Variants in ZMAT4 observed in about 807,000 individuals in gnomAD.
ZMAT4 encodes zinc finger matrin-type 4.
Under a neutral mutation model 28.7 loss-of-function variants are expected in ZMAT4, and 17 were observed. The observed-to-expected ratio is 0.59, with a 90% CI of 0.41 to 0.89. ZMAT4 has a LOEUF of 0.89. Ranked by LOEUF, ZMAT4 falls within the 40% of genes least tolerant of loss-of-function variation. The probability of loss-of-function intolerance (pLI) is 0.00; values close to 1 mark genes in which losing one functional copy is unlikely to be tolerated. For missense variants in ZMAT4, 240 were observed against 283.8 expected, an observed-to-expected ratio of 0.85 and a Z score of 1.11; for synonymous variants, 117 against 109.2, an observed-to-expected ratio of 1.07 and a Z score of -0.44.
intron 1 of ZMAT4, among the ~76,000 whole-genome samples, chr8:40,863,294 C>T (rs531167065): frequency 6.6e-6 from 1 of 151,820 alleles, no homozygotes; most frequent in African/African-American, 2.4e-5. Flanking sequence ...AAAAAAAAAA[C>T]TGGTAAAAGC....
chr8:40,797,998 C>T (rs1814668253), intron 2 of ZMAT4, among the ~76,000 whole-genome samples: 1 of 152,174 alleles, frequency 6.6e-6, no homozygotes, highest in Non-Finnish European at 1.5e-5. Context: ...GGTGTCCATG[C>T]CCTTCACTCT....
rs147073026 is a variant in ZMAT4 at position 40,891,322 on chromosome 8, G to T, written c.-5+6361C>A. On this transcript the variant is annotated intron_variant, in intron 1 of 6. Transcript: ENST00000297737. ...ATCTCAGTGAACATCATTGTGAGTG[G>T]TAAGGACACATGGTGGTCACCACGT... is the stretch of plus-strand genomic sequence containing the variant. Among the ~76,000 whole-genome samples the T allele has an allele frequency of 7.5e-3, 1,124 of 149,084 alleles. 55 individuals carry two copies. The highest frequency in any genetic ancestry group is 0.069 in the Admixed American group (1,026 of 14,844).
At chr8:40,671,973 T>C (rs969548114) in intron 5 of ZMAT4, among the ~76,000 whole-genome samples, 2 of 152,164 alleles carry the variant, frequency 1.3e-5, no homozygotes, top group Admixed American at 1.3e-4. Context: ...TCAGAAACTA[T>C]TGAGTAACTA....
At chr8:40,736,569 G>T (rs72641507) in intron 3 of ZMAT4, among the ~76,000 whole-genome samples, 1 of 152,306 alleles carries the variant, frequency 6.6e-6, no homozygotes, top group Non-Finnish European at 1.5e-5. Flanking sequence ...AAGGCACACA[G>T]AGCCCAACTA....
chr8:40,710,427 T>C (rs1418552841), intron 3 of ZMAT4, among the ~76,000 whole-genome samples: 1 of 152,168 alleles, frequency 6.6e-6, no homozygotes, highest in Non-Finnish European at 1.5e-5. Context: ...TATCAAACCC[T>C]GTAATTGTGA....
chr8:40,599,344 A>T (rs1252534953), intron 5 of ZMAT4, among the ~76,000 whole-genome samples: 1 of 152,182 alleles, frequency 6.6e-6, no homozygotes, highest in Non-Finnish European at 1.5e-5. Context: ...TACATCACAC[A>T]TATGTACACA....
At chr8:40,539,102 A>T (rs1802944278) in intron 6 of ZMAT4, among the ~76,000 whole-genome samples, 1 of 152,022 alleles carries the variant, frequency 6.6e-6, no homozygotes, top group South Asian at 2.1e-4. Context: ...CATTTTTCTA[A>T]GTGCTTTTCT....
At position 40,597,460 on chromosome 8, in the gene ZMAT4, G is replaced by A. The variant is rs539593316; in HGVS notation, c.578-16199C>T. On this transcript the variant is annotated intron_variant, in intron 5 of 6. Coordinates refer to ENST00000297737, the MANE Select transcript of ZMAT4 (RefSeq NM_024645.3). ...CCCTGTCTGATCCTGGATCTGTGTG[G>A]GGGTCGCCCTCAGCTCCTTCCGGGA... is the stretch of plus-strand genomic sequence containing the variant. 1.7e-4 allele frequency among the ~76,000 whole-genome samples: 26 copies of A among 152,284 alleles called. No homozygotes were observed. The East Asian group carries it at 4.6e-3, about 27-fold the overall frequency.
intron 6 of ZMAT4, among the ~76,000 whole-genome samples, chr8:40,553,544 G>T (rs1348319041): frequency 6.6e-6 from 1 of 152,102 alleles, no homozygotes; most frequent in African/African-American, 2.4e-5. Context: ...GTCTATCTGG[G>T]CAACAGGTGG....
intron 5 of ZMAT4, among the ~76,000 whole-genome samples, chr8:40,619,476 T>C (rs1423701616): frequency 1.3e-5 from 2 of 152,124 alleles, no homozygotes; most frequent in Non-Finnish European, 2.9e-5. Flanking sequence ...TCAGAGATTG[T>C]CTTTAAGGCG....
intron 6 of ZMAT4, among the ~76,000 whole-genome samples, chr8:40,560,853 A>G (rs564357972): frequency 6.6e-6 from 1 of 152,270 alleles, no homozygotes; most frequent in East Asian, 1.9e-4. Flanking sequence ...AACCTGTATA[A>G]TCTACTCTTT....
chr8:40,741,587 A>G (rs1202333765), intron 3 of ZMAT4, among the ~76,000 whole-genome samples: 17 of 152,236 alleles, frequency 1.1e-4, no homozygotes, highest in Non-Finnish European at 2.4e-4. Context: ...TATTATATTA[A>G]CAATATCATT....
intron 1 of ZMAT4, among the ~76,000 whole-genome samples, chr8:40,885,951 A>G (rs755788846): frequency 1.3e-5 from 2 of 151,966 alleles, no homozygotes; most frequent in African/African-American, 4.8e-5. Context: ...CATCTCCCCC[A>G]CTTGAATCTA....
At chr8:40,808,686 G>A in intron 2 of ZMAT4, 4 of 318,120 alleles carry the variant, frequency 1.3e-5, no homozygotes, top group South Asian at 5.1e-5. Context: ...GAAAGAGAGG[G>A]AAAGAGCAGG....
At chr8:40,582,971 A>G (rs1209476416) in intron 5 of ZMAT4, among the ~76,000 whole-genome samples, 2 of 152,218 alleles carry the variant, frequency 1.3e-5, no homozygotes, top group East Asian at 3.9e-4. Context: ...CAGAACGTCC[A>G]GGGGAAGTGG....
intron 4 of ZMAT4, chr8:40,696,973 T>C (rs763885581): frequency 3.9e-5 from 13 of 334,046 alleles, no homozygotes; most frequent in Non-Finnish European, 6.0e-5. Flanking sequence ...GTAGGAATGA[T>C]AGACAATGCA....
At chr8:40,774,095 G>T (rs1206176680) in intron 2 of ZMAT4, among the ~76,000 whole-genome samples, 1 of 152,064 alleles carries the variant, frequency 6.6e-6, no homozygotes, top group Non-Finnish European at 1.5e-5. Flanking sequence ...AAATACGTAT[G>T]TGTAAGAAGA....
At chr8:40,697,425 A>G in intron 3 of ZMAT4, 24 bp from the exon 4 acceptor site, 1 of 1,520,478 alleles carries the variant, frequency 6.6e-7, no homozygotes, top group Non-Finnish European at 8.9e-7. Context: ...AAGAAAGGCC[A>G]CGTGTGAGAG....
In ZMAT4 at chr8:40,670,176, G is replaced by T. The variant is rs1808607022; in HGVS notation, c.577+4528C>A. ...TAGAATGCTGAAAAATCATTACAGT[G>T]TGGTGCTGGTATAAAGACAAAGAGA... On this transcript the variant is annotated intron_variant, in intron 5 of 6. Transcript: ENST00000297737. 1.3e-5 allele frequency among the ~76,000 whole-genome samples: 2 copies of T among 152,136 alleles called. 1 individual carries two copies. Among genetic ancestry groups the T allele is most frequent in the South Asian group, 4.1e-4 (2 of 4,822 alleles).
Sources: allele counts gnomAD v4.1 joint callset (sites outside exome capture counted in the v4.1 genomes callset), GRCh38; gene constraint gnomAD v4.1.1; transcripts MANE v1.5; gene names NCBI Gene and HGNC (gene_info 2026-07-23, HGNC 2026-07-21).